Variants in LRP1B observed in about 807,000 individuals in gnomAD.
LRP1B encodes low-density lipoprotein receptor-related protein 1B.
A neutral mutation model predicts 556.6 loss-of-function variants in LRP1B; 217 were observed. The observed-to-expected ratio is 0.39, with a 90% CI of 0.35 to 0.44. The LOEUF (loss-of-function observed/expected upper bound fraction) is 0.44. Ranked by LOEUF, LRP1B falls within the 20% of genes least tolerant of loss-of-function variation. LRP1B has a pLI of 1.00. For synonymous variants in LRP1B, 2,047 were observed against 1,865.8 expected (o/e 1.10, Z -2.50); for missense variants, 5,053 against 5,620.8 (o/e 0.90, Z 3.23).
chr2:141,737,537 A>G (rs919533775), intron 2 of LRP1B, among the ~76,000 whole-genome samples: 4 of 152,156 alleles, frequency 2.6e-5, no homozygotes, highest in Non-Finnish European at 4.4e-5. Context: ...AATATAATAA[A>G]TTATTGCCTT....
At chr2:141,284,845 T>C (rs1685644579) in intron 3 of LRP1B, among the ~76,000 whole-genome samples, 1 of 152,212 alleles carries the variant, frequency 6.6e-6, no homozygotes, top group Admixed American at 6.5e-5. Context: ...GTACCACACT[T>C]TTAATTATTA....
At chr2:140,952,847 T>C (rs1375827189) in intron 18 of LRP1B, among the ~76,000 whole-genome samples, 1 of 152,132 alleles carries the variant, frequency 6.6e-6, no homozygotes, top group Non-Finnish European at 1.5e-5. Context: ...CAGGAGAAAG[T>C]TTTATTTTCT....
At chr2:141,397,051 T>A (rs1487179684) in intron 3 of LRP1B, among the ~76,000 whole-genome samples, 1 of 131,504 alleles carries the variant, frequency 7.6e-6, no homozygotes, top group Non-Finnish European at 1.6e-5. Context: ...GGACAAAGGT[T>A]GTGGTGAACC....
At chr2:140,712,388 C>A in intron 37 of LRP1B, among the ~76,000 whole-genome samples, 1 of 152,060 alleles carries the variant, frequency 6.6e-6, no homozygotes, top group South Asian at 2.1e-4. Context: ...ATCCTAGAAT[C>A]TCTTTCTGGG....
chr2:140,935,395 T>A (rs1695173026), intron 20 of LRP1B, among the ~76,000 whole-genome samples: 1 of 151,644 alleles, frequency 6.6e-6, no homozygotes, highest in Non-Finnish European at 1.5e-5. Context: ...ATAACTAAAA[T>A]GAAAAATTCA....
intron 2 of LRP1B, among the ~76,000 whole-genome samples, chr2:141,652,664 A>G (rs1467875470): frequency 1.3e-5 from 2 of 152,326 alleles, no homozygotes; most frequent in South Asian, 2.1e-4. Flanking sequence ...CTTTAAAGCC[A>G]TCAAGTTCAA....
At chr2:142,032,817 G>A (rs991406975) in intron 1 of LRP1B, among the ~76,000 whole-genome samples, 2 of 151,742 alleles carry the variant, frequency 1.3e-5, no homozygotes, top group Admixed American at 6.6e-5. Context: ...GACATAGGAG[G>A]CAGACCGAAG....
chr2:141,363,472 G>A (rs571098785), intron 3 of LRP1B, among the ~76,000 whole-genome samples: 1 of 151,858 alleles, frequency 6.6e-6, no homozygotes, highest in East Asian at 1.9e-4. Flanking sequence ...TCTTATTTTC[G>A]TTACTAAATT....
At chr2:140,913,210 A>G (rs1335829861) in intron 21 of LRP1B, among the ~76,000 whole-genome samples, 2 of 151,872 alleles carry the variant, frequency 1.3e-5, no homozygotes, top group East Asian at 3.9e-4. Context: ...AATTTGACAA[A>G]TGTTTTTTGA....
intron 31 of LRP1B, among the ~76,000 whole-genome samples, chr2:140,817,542 C>T (rs866875370): frequency 4.0e-5 from 6 of 151,558 alleles, no homozygotes; most frequent in African/African-American, 1.5e-4. Context: ...ATGAAAATTG[C>T]AAAAATTATG....
chr2:142,018,345 A>G (rs548309397), intron 1 of LRP1B, among the ~76,000 whole-genome samples: 1 of 152,312 alleles, frequency 6.6e-6, no homozygotes, highest in East Asian at 1.9e-4. Context: ...CAGCCATATT[A>G]ATATATAAAC....
At chr2:141,519,956 A>G (rs1297015310) in intron 2 of LRP1B, among the ~76,000 whole-genome samples, 1 of 152,148 alleles carries the variant, frequency 6.6e-6, no homozygotes, top group Non-Finnish European at 1.5e-5. Flanking sequence ...CAATAGGGGA[A>G]GAATAAGTAA....
chr2:141,215,700 G>A (rs924194908), intron 6 of LRP1B, among the ~76,000 whole-genome samples: 2 of 152,170 alleles, frequency 1.3e-5, no homozygotes, highest in African/African-American at 4.8e-5. Flanking sequence ...CAGGCTCTAT[G>A]GATCTATGGA....
chr2:140,244,107 C>A (rs10181846), intron 87 of LRP1B, among the ~76,000 whole-genome samples: 1 of 151,328 alleles, frequency 6.6e-6, no homozygotes, highest in Middle Eastern at 3.4e-3. Flanking sequence ...CCTCTGGGAT[C>A]TAGTGCAGTA....
chr2:141,969,078 G>C (rs1036339718), intron 1 of LRP1B, among the ~76,000 whole-genome samples: 1 of 150,420 alleles, frequency 6.6e-6, no homozygotes, highest in African/African-American at 2.4e-5. Flanking sequence ...TTGGCAACCT[G>C]CAAGTTAGTC....
chr2:141,013,478 C>A, intron 14 of LRP1B, 78 bp downstream of exon 14: 1 of 1,177,360 alleles, frequency 8.5e-7, no homozygotes, highest in Non-Finnish European at 1.2e-6. Context: ...GCAACACTGT[C>A]AAGATAAATC....
intron 7 of LRP1B, among the ~76,000 whole-genome samples, chr2:141,161,113 TC>T (rs1217728424): frequency 6.6e-6 from 1 of 152,128 alleles, no homozygotes; most frequent in Admixed American, 6.6e-5. Context: ...AGATTTTCTT[TC>T]TTCTATCCAT....
At chr2:141,705,348 A>G (rs1160672153) in intron 2 of LRP1B, among the ~76,000 whole-genome samples, 1 of 151,912 alleles carries the variant, frequency 6.6e-6, no homozygotes, top group Non-Finnish European at 1.5e-5. Context: ...TTATGTGGGG[A>G]AAGCCCTTTA....
At chr2:140,722,998 G>T (rs1258027419) in intron 35 of LRP1B, among the ~76,000 whole-genome samples, 1 of 152,204 alleles carries the variant, frequency 6.6e-6, no homozygotes, top group Non-Finnish European at 1.5e-5. Context: ...AGCCGAGATC[G>T]CGCCACTGCA....
Sources: gnomAD v4.1 joint callset for allele counts (sites outside exome capture counted in the v4.1 genomes callset) on GRCh38, gnomAD v4.1.1 for gene constraint, MANE v1.5 for transcripts, NCBI Gene and HGNC (gene_info 2026-07-23, HGNC 2026-07-21) for gene names.